Variants in CNGA1 observed in about 807,000 individuals in gnomAD.
The protein encoded by CNGA1 is cyclic nucleotide gated channel subunit alpha 1, also known as cyclic nucleotide-gated channel alpha-1.
Under a neutral mutation model 69.7 loss-of-function variants are expected in CNGA1, and 53 were observed. The observed-to-expected ratio is 0.76, with a 90% CI of 0.61 to 0.96. The LOEUF (loss-of-function observed/expected upper bound fraction) is 0.96. Ranked by LOEUF, CNGA1 falls within the 40% of genes least tolerant of loss-of-function variation. CNGA1 has a pLI of 0.00. For synonymous variants in CNGA1, 249 were observed against 283.5 expected (o/e 0.88, Z 1.22); for missense variants, 739 against 811.2 (o/e 0.91, Z 1.08).
intron 2 of CNGA1, among the ~76,000 whole-genome samples, chr4:47,995,775 C>A (rs1369423554): frequency 6.6e-6 from 1 of 152,084 alleles, no homozygotes; most frequent in African/African-American, 2.4e-5. Flanking sequence ...TGGGTTGGCT[C>A]TATCAAAGGA....
chr4:48,015,520 C>T (rs1375354040), intron 1 of CNGA1, among the ~76,000 whole-genome samples: 2 of 152,142 alleles, frequency 1.3e-5, no homozygotes. Context: ...GAATATTTTC[C>T]TCAGTGTTAA....
chr4:47,936,769 A>G lies in CNGA1; in HGVS notation c.1713T>C (p.Cys571=). 2 of 1,614,096 alleles carry G rather than the reference A, an allele frequency of 1.2e-6. No homozygotes were observed. Among genetic ancestry groups the G allele is most frequent in the African/African-American group, 1.3e-5 (1 of 74,980 alleles). The change falls in exon 11 of 11, where the codon TGT becomes TGC. Residue 571 remains cysteine, a synonymous_variant. Coordinates refer to ENST00000514170, the MANE Select transcript of CNGA1 (RefSeq NM_001379270.1). ...CTTCCATGAGGTCATCTTTTGAGAG[A>G]CAGAACAGGTCTGAGTAGCCAATAC... ...IKSIGYSDLF[C]LSKDDLMEAL...
In CNGA1 at chr4:47,936,412, T is replaced by G. The variant is rs1218577644; in HGVS notation, c.*9A>C. ...AGGCATGTCCCTGTTAATGACCAGCTTTTCGGTTCTATGTAGAGTCGATGG... is the reference window on the plus strand; with the variant it reads ...AGGCATGTCCCTGTTAATGACCAGCGTTTCGGTTCTATGTAGAGTCGATGG... On this transcript the variant is annotated 3_prime_UTR_variant, in exon 11 of 11. Transcript: ENST00000514170. The G allele has an allele frequency of 6.2e-7, 1 of 1,613,846 alleles. No homozygotes were observed. The highest frequency in any genetic ancestry group is 1.3e-5 in the African/African-American group (1 of 74,918).
intron 6 of CNGA1, among the ~76,000 whole-genome samples, chr4:47,949,285 C>T (rs1339219084): frequency 6.6e-6 from 1 of 152,206 alleles, no homozygotes; most frequent in Non-Finnish European, 1.5e-5. Context: ...TTTCCAATAA[C>T]TGTGCATGGG....
At chr4:47,977,972 A>G (rs549293561) in intron 3 of CNGA1, among the ~76,000 whole-genome samples, 1 of 152,138 alleles carries the variant, frequency 6.6e-6, no homozygotes, top group Admixed American at 6.5e-5. Flanking sequence ...GATTACAGGC[A>G]TGTGTCACTA....
chr4:48,001,627 T>C (rs1464918249), intron 2 of CNGA1, among the ~76,000 whole-genome samples: 2 of 152,234 alleles, frequency 1.3e-5, no homozygotes, highest in Admixed American at 6.5e-5. Flanking sequence ...TTGTATCTAA[T>C]GACCAAGTTA....
intron 3 of CNGA1, among the ~76,000 whole-genome samples, chr4:47,977,875 G>A (rs1741496823): frequency 6.7e-6 from 1 of 149,998 alleles, no homozygotes; most frequent in Non-Finnish European, 1.5e-5. Flanking sequence ...TGCCCAGGCT[G>A]GAGTGCAATG....
chr4:47,942,008 T>G (rs1170476266), intron 9 of CNGA1, 33 bp downstream of exon 9: 2 of 1,172,200 alleles, frequency 1.7e-6, no homozygotes, highest in South Asian at 1.3e-5. Context: ...TGGGGTGAGA[T>G]CCACAAAAAA....
chr4:47,981,797 T>A (rs974305042), intron 2 of CNGA1, among the ~76,000 whole-genome samples: 2 of 152,244 alleles, frequency 1.3e-5, no homozygotes, highest in Non-Finnish European at 2.9e-5. Flanking sequence ...TACTATTGCC[T>A]GATGAATTTT....
chr4:47,996,294 T>A (rs2110241838), intron 2 of CNGA1, among the ~76,000 whole-genome samples: 1 of 152,300 alleles, frequency 6.6e-6, no homozygotes, highest in Admixed American at 6.5e-5. Context: ...GCAACTGATG[T>A]TGATAGCTCC....
chr4:48,002,693 A>C (rs73814644), intron 2 of CNGA1, among the ~76,000 whole-genome samples: 3,479 of 146,070 alleles, frequency 0.024, 129 homozygotes, highest in African/African-American at 0.085. Context: ...CAAAAAAAAA[A>C]AAAAAACAAA....
At chr4:48,010,200 C>T (rs968282415) in intron 2 of CNGA1, among the ~76,000 whole-genome samples, 9 of 151,942 alleles carry the variant, frequency 5.9e-5, no homozygotes, top group Non-Finnish European at 1.0e-4. Context: ...ATGATGGATG[C>T]CAAATCAAAC....
At chr4:47,950,575 G>T (rs1739680135) in intron 5 of CNGA1, among the ~76,000 whole-genome samples, 1 of 152,064 alleles carries the variant, frequency 6.6e-6, no homozygotes. Context: ...AGAAACCTAA[G>T]ACTGTTAGGG....
At chr4:47,957,609 G>C (rs1740167649) in intron 3 of CNGA1, among the ~76,000 whole-genome samples, 1 of 151,968 alleles carries the variant, frequency 6.6e-6, no homozygotes, top group African/African-American at 2.4e-5. Context: ...GACAGAGAGT[G>C]ACCTCATCTC....
intron 3 of CNGA1, among the ~76,000 whole-genome samples, chr4:47,955,517 A>G (rs889150933): frequency 2.6e-5 from 4 of 152,044 alleles, no homozygotes; most frequent in Admixed American, 2.6e-4. Flanking sequence ...GGTCTATGCT[A>G]TGAGAACAGA....
chr4:47,974,470 A>G (rs1387898163), intron 3 of CNGA1, among the ~76,000 whole-genome samples: 1 of 151,834 alleles, frequency 6.6e-6, no homozygotes, highest in African/African-American at 2.4e-5. Context: ...CAAAGGATAC[A>G]ATGTTTCAGT....
At chr4:47,992,902 G>A (rs1320311655) in intron 2 of CNGA1, among the ~76,000 whole-genome samples, 1 of 152,020 alleles carries the variant, frequency 6.6e-6, no homozygotes, top group African/African-American at 2.4e-5. Flanking sequence ...AATCATAAAA[G>A]GATGTTGGAT....
chr4:47,995,102 C>T (rs1742425651), intron 2 of CNGA1, among the ~76,000 whole-genome samples: 1 of 152,124 alleles, frequency 6.6e-6, no homozygotes, highest in Non-Finnish European at 1.5e-5. Context: ...TCTCACAGCT[C>T]TTAAGATTCT....
intron 6 of CNGA1, among the ~76,000 whole-genome samples, chr4:47,945,078 C>T (rs1243233134): frequency 6.6e-6 from 1 of 152,054 alleles, no homozygotes; most frequent in African/African-American, 2.4e-5. Context: ...AAATCAGAAT[C>T]CTAGTAGGGC....
Sources: allele counts gnomAD v4.1 joint callset (sites outside exome capture counted in the v4.1 genomes callset), GRCh38; gene constraint gnomAD v4.1.1; transcripts MANE v1.5; gene names NCBI Gene and HGNC (gene_info 2026-07-23, HGNC 2026-07-21).